The following PRKG1 variants were observed in gnomAD, a reference collection of about 807,000 sequenced individuals.
The protein encoded by PRKG1 is cGMP-dependent protein kinase 1.
In PRKG1, 35 loss-of-function variants were observed where a neutral mutation model predicts 88.1. The ratio of observed to expected loss-of-function variants is 0.40; its 90% CI spans 0.30 to 0.53. The LOEUF is 0.53. PRKG1 is among the 20% of genes least tolerant of loss of function. PRKG1 has a pLI of 0.59. For synonymous variants in PRKG1, 303 were observed against 292.5 expected (o/e 1.04, Z -0.37); for missense variants, 540 against 839.8 (o/e 0.64, Z 4.41).
intron 5 of PRKG1, among the ~76,000 whole-genome samples, chr10:52,025,088 G>C (rs1589530203): frequency 1.3e-5 from 2 of 152,180 alleles, no homozygotes; most frequent in South Asian, 4.1e-4. Context: ...CAGTGATGAT[G>C]AGCATTTTTT....
At chr10:52,229,790 G>A (rs1375356245) in intron 9 of PRKG1, among the ~76,000 whole-genome samples, 2 of 152,152 alleles carry the variant, frequency 1.3e-5, no homozygotes, top group African/African-American at 2.4e-5. Context: ...TTTAGTCTAT[G>A]TGATGACTCG....
chr10:51,386,726 T>C (rs1184532101), intron 2 of PRKG1, among the ~76,000 whole-genome samples: 1 of 152,192 alleles, frequency 6.6e-6, no homozygotes, highest in Non-Finnish European at 1.5e-5. Context: ...TGATCAATTG[T>C]CTAGGCATCC....
At position 51,178,808 on chromosome 10, in the gene PRKG1, C is replaced by T. The variant is rs149095073; in HGVS notation, c.478+25478C>T. Among the ~76,000 whole-genome samples the T allele has an allele frequency of 1.1e-3, 174 of 151,884 alleles. 2 individuals are homozygous for T. The East Asian group carries it at 0.029, about 26-fold the overall frequency. ...TTAATTGAAAAAAATGACAAGATAA[C>T]ATATATGATGTAATGAAATTATTGA... On this transcript the variant is annotated intron_variant, in intron 2 of 17. Transcript: ENST00000373980.
chr10:51,719,404 A>G (rs1016536026), intron 3 of PRKG1, among the ~76,000 whole-genome samples: 1 of 152,236 alleles, frequency 6.6e-6, no homozygotes, highest in Non-Finnish European at 1.5e-5. Flanking sequence ...TACTTCTGTG[A>G]TAATCATCTC....
At chr10:51,982,507 AC>A (rs1173615415) in intron 5 of PRKG1, among the ~76,000 whole-genome samples, 5 of 152,146 alleles carry the variant, frequency 3.3e-5, no homozygotes, top group African/African-American at 4.8e-5. Context: ...CTATTTGATG[AC>A]CTCGACTGTT....
At chr10:51,281,084 C>T (rs1840281087) in intron 2 of PRKG1, among the ~76,000 whole-genome samples, 2 of 152,200 alleles carry the variant, frequency 1.3e-5, no homozygotes, top group Admixed American at 6.5e-5. Context: ...TTCTAACAGT[C>T]AGGACCCTCA....
chr10:51,980,882 T>C (rs1843990059), intron 5 of PRKG1, among the ~76,000 whole-genome samples: 1 of 152,186 alleles, frequency 6.6e-6, no homozygotes, highest in African/African-American at 2.4e-5. Context: ...TGTTGTTGTA[T>C]GTAAGATGGG....
chr10:51,101,259 G>A (rs1355096075), intron 1 of PRKG1, among the ~76,000 whole-genome samples: 2 of 152,122 alleles, frequency 1.3e-5, no homozygotes, highest in Admixed American at 1.3e-4. Flanking sequence ...ACACCAGAGA[G>A]GTCTCTTGCT....
intron 2 of PRKG1, among the ~76,000 whole-genome samples, chr10:51,445,165 C>T (rs1462782842): frequency 1.3e-5 from 2 of 151,822 alleles, no homozygotes; most frequent in Non-Finnish European, 2.9e-5. Context: ...TAAATAGCCC[C>T]ATGTGGCAAC....
intron 5 of PRKG1, among the ~76,000 whole-genome samples, chr10:51,998,913 G>C (rs1844522732): frequency 6.6e-6 from 1 of 152,102 alleles, no homozygotes; most frequent in African/African-American, 2.4e-5. Flanking sequence ...TTTGGTGGTG[G>C]GAACCCCAGA....
intron 3 of PRKG1, among the ~76,000 whole-genome samples, chr10:51,632,987 T>C (rs1839565803): frequency 1.3e-5 from 2 of 152,212 alleles, no homozygotes; most frequent in Non-Finnish European, 2.9e-5. Flanking sequence ...TCCAATGTAA[T>C]GAATCTTGTT....
chr10:51,209,542 G>C (rs1838157919), intron 2 of PRKG1, among the ~76,000 whole-genome samples: 1 of 152,114 alleles, frequency 6.6e-6, no homozygotes, highest in African/African-American at 2.4e-5. Flanking sequence ...TGTTTTAGTA[G>C]TTACTAACAT....
chr10:51,531,857 C>A (rs924853640), intron 3 of PRKG1, among the ~76,000 whole-genome samples: 2 of 151,812 alleles, frequency 1.3e-5, no homozygotes, highest in African/African-American at 2.4e-5. Context: ...GTTGACCAGG[C>A]TGGTCTTGAA....
chr10:52,049,497 C>T (rs1020483256), intron 5 of PRKG1, among the ~76,000 whole-genome samples: 3 of 151,954 alleles, frequency 2.0e-5, no homozygotes, highest in East Asian at 3.9e-4. Context: ...TAGTAAGAAG[C>T]CATTGAAAGT....
intron 9 of PRKG1, among the ~76,000 whole-genome samples, chr10:52,233,348 T>A (rs976879641): frequency 6.6e-5 from 10 of 151,878 alleles, no homozygotes; most frequent in Non-Finnish European, 1.5e-4. Context: ...GGTCTACAGC[T>A]CCCAGCGTGA....
chr10:51,511,185 C>A (rs1298039737), intron 3 of PRKG1, among the ~76,000 whole-genome samples: 6 of 152,170 alleles, frequency 3.9e-5, no homozygotes, highest in Admixed American at 1.3e-4. Flanking sequence ...ATAACATTTA[C>A]GACATTCACT....
intron 5 of PRKG1, among the ~76,000 whole-genome samples, chr10:51,941,611 A>G (rs1428572646): frequency 1.6e-5 from 1 of 63,214 alleles, no homozygotes; most frequent in African/African-American, 5.8e-5. Context: ...CCCTCCCCCG[A>G]CCCCACAACA....
At chr10:51,970,833 T>G (rs1040591614) in intron 5 of PRKG1, among the ~76,000 whole-genome samples, 5 of 146,046 alleles carry the variant, frequency 3.4e-5, no homozygotes, top group African/African-American at 5.0e-5. Flanking sequence ...ATATATGTGA[T>G]ATATATATAT....
chr10:51,231,381 G>A (rs1341189336), intron 2 of PRKG1, among the ~76,000 whole-genome samples: 1 of 152,158 alleles, frequency 6.6e-6, no homozygotes, highest in Non-Finnish European at 1.5e-5. Flanking sequence ...TATTCAGGGT[G>A]TATATTGCCA....
Sources: allele counts gnomAD v4.1 joint callset (sites outside exome capture counted in the v4.1 genomes callset), GRCh38; gene constraint gnomAD v4.1.1; transcripts MANE v1.5; gene names NCBI Gene and HGNC (gene_info 2026-07-23, HGNC 2026-07-21).